Variants in CLCN5 observed in about 807,000 individuals in gnomAD.
The protein encoded by CLCN5 is H(+)/Cl(-) exchange transporter 5.
A neutral mutation model predicts 54.0 loss-of-function variants in CLCN5; 17 were observed. The observed-to-expected ratio is 0.31, with a 90% CI of 0.22 to 0.47. The LOEUF is 0.47. Among genes scored for constraint, CLCN5 ranks in the 20% least tolerant of loss-of-function variants. CLCN5 has a pLI of 1.00. For missense variants in CLCN5, 448 were observed against 646.7 expected (o/e 0.69, Z 3.33); for synonymous variants, 222 against 233.0 (o/e 0.95, Z 0.43).
intron 3 of CLCN5, among the ~76,000 whole-genome samples, chrX:49,936,267 T>A (rs782759800): frequency 2.7e-5 from 3 of 111,859 alleles, no homozygotes; most frequent in Non-Finnish European, 5.6e-5. Flanking sequence ...ACATATTCAA[T>A]GTGTCTCTTT....
At chrX:50,085,775 G>A in intron 9 of CLCN5, 2 of 448,092 alleles carry the variant, frequency 4.5e-6, no homozygotes, top group South Asian at 6.4e-5. Context: ...ACAAAGGAAA[G>A]GTCCTCTTAC....
intron 3 of CLCN5, among the ~76,000 whole-genome samples, chrX:49,991,686 A>T (rs1008604960): frequency 3.9e-4 from 44 of 112,022 alleles, no homozygotes; most frequent in African/African-American, 1.3e-3. Flanking sequence ...GTTTAGCCAA[A>T]GGATGTCAAG....
chrX:50,041,032 T>A (rs1250507465), intron 3 of CLCN5, among the ~76,000 whole-genome samples: 1 of 112,230 alleles, frequency 8.9e-6, no homozygotes, highest in African/African-American at 3.2e-5. Context: ...GTAGGAAAAA[T>A]TAAAGGAAAT....
intron 3 of CLCN5, among the ~76,000 whole-genome samples, chrX:50,002,700 TG>T (rs1929921309): frequency 9.1e-6 from 1 of 109,693 alleles, no homozygotes; most frequent in Admixed American, 9.8e-5. Flanking sequence ...TGTGTGTGTG[TG>T]TGTGTGTGTG....
chrX:50,049,596 T>A (rs1469830272), intron 4 of CLCN5, among the ~76,000 whole-genome samples: 5 of 112,185 alleles, frequency 4.5e-5, no homozygotes, highest in Non-Finnish European at 9.4e-5. Context: ...GTTACCTGGG[T>A]CAGCACTTTT....
intron 3 of CLCN5, among the ~76,000 whole-genome samples, chrX:49,975,508 T>A (rs113549602): frequency 2.7e-5 from 3 of 111,677 alleles, no homozygotes; most frequent in Non-Finnish European, 5.7e-5. Context: ...GCTGGCAGTT[T>A]TCTGACTCTC....
chrX:50,056,443 G>A (rs1386321859), intron 4 of CLCN5, among the ~76,000 whole-genome samples: 1 of 111,568 alleles, frequency 9.0e-6, no homozygotes, highest in Non-Finnish European at 1.9e-5. Context: ...ACAAGTAAGG[G>A]AGTGGGGCGC....
At chrX:49,958,859 A>G (rs1927460976) in intron 3 of CLCN5, among the ~76,000 whole-genome samples, 1 of 111,864 alleles carries the variant, frequency 8.9e-6, no homozygotes, top group Non-Finnish European at 1.9e-5. Flanking sequence ...AGAAATAGCA[A>G]CTGAGTCATT....
At chrX:50,070,396 C>G (rs1440295844) in intron 5 of CLCN5, among the ~76,000 whole-genome samples, 1 of 111,898 alleles carries the variant, frequency 8.9e-6, no homozygotes, top group Non-Finnish European at 1.9e-5. Flanking sequence ...ATAAATGCCT[C>G]TGAAGAGAGG....
At chrX:50,003,041 AATGT>A in intron 3 of CLCN5, 9 of 279,841 alleles carry the variant, frequency 3.2e-5, no homozygotes, top group South Asian at 3.2e-4. Context: ...TACATATGTG[AATGT>A]ACACAAGCAC....
chrX:50,062,832 C>G (rs1214578390), intron 4 of CLCN5, among the ~76,000 whole-genome samples: 1 of 104,126 alleles, frequency 9.6e-6, no homozygotes, highest in Non-Finnish European at 1.9e-5. Flanking sequence ...TGCAATCAAA[C>G]TAGAACTCAG....
rs183977551 is a variant in CLCN5 at position 50,005,590 on chromosome X, A to T, written c.17-36726A>T. Among the ~76,000 whole-genome samples, 90 of 111,936 alleles carry T rather than the reference A, an allele frequency of 8.0e-4. No individual in the cohort carries two copies. The South Asian group carries it at 0.015, about 19-fold the overall frequency. The stretch of plus-strand genomic sequence containing the variant: ...TAGCTTACTCTAAAGAGGATTTTTT[A>T]AAAAAACTATTATAATAAACTCATA... On this transcript the variant is annotated intron_variant, in intron 3 of 14. Transcript: ENST00000376091.
intron 3 of CLCN5, among the ~76,000 whole-genome samples, chrX:49,980,194 G>T (rs34677714): frequency 2.7e-5 from 3 of 110,343 alleles, no homozygotes; most frequent in Non-Finnish European, 5.7e-5. Flanking sequence ...CTACTTTTAG[G>T]AATACCTAAC....
chrX:50,048,799 A>G (rs186610943), intron 4 of CLCN5, among the ~76,000 whole-genome samples: 2 of 111,651 alleles, frequency 1.8e-5, no homozygotes, highest in African/African-American at 3.3e-5. Flanking sequence ...AAGCCATGAT[A>G]TGGATACATG....
chrX:50,019,397 T>A (rs1258050149), intron 3 of CLCN5, among the ~76,000 whole-genome samples: 1 of 108,901 alleles, frequency 9.2e-6, no homozygotes, highest in Non-Finnish European at 1.9e-5. Flanking sequence ...CAGATCACGG[T>A]ATTATTTTGT....
chrX:50,066,248 G>C, intron 4 of CLCN5, among the ~76,000 whole-genome samples: 1 of 98,365 alleles, frequency 1.0e-5, no homozygotes, highest in Non-Finnish European at 2.0e-5. Flanking sequence ...AATGGCTTTT[G>C]CTTTTTACAG....
intron 4 of CLCN5, among the ~76,000 whole-genome samples, chrX:50,057,698 T>G (rs915304869): frequency 5.9e-5 from 6 of 101,868 alleles, no homozygotes; most frequent in Admixed American, 3.1e-4. Flanking sequence ...TCCTGGATAG[T>G]TTCTTAGATG....
rs1396904704 is a variant in CLCN5 at position 49,985,314 on chromosome X, C to T, written c.17-57002C>T. 3.6e-5 allele frequency among the ~76,000 whole-genome samples: 4 copies of T among 111,613 alleles called. No individual in the cohort carries two copies. In the Admixed American group the frequency reaches 3.8e-4, roughly 11 times the overall value. ...TGGATTGTGTTCTTATATCCCATTT[C>T]CTATCTTACTGTCTTGTGCTGTGTA... On this transcript the variant is annotated intron_variant, in intron 3 of 14. Coordinates refer to ENST00000376091, the MANE Select transcript of CLCN5 (RefSeq NM_001127898.4).
intron 3 of CLCN5, among the ~76,000 whole-genome samples, chrX:49,987,060 C>T (rs1362028776): frequency 8.9e-6 from 1 of 112,368 alleles, no homozygotes; most frequent in African/African-American, 3.2e-5. Flanking sequence ...ACAGTTAACG[C>T]AGGTGTAGAA....
Sources: allele counts gnomAD v4.1 joint callset (sites outside exome capture counted in the v4.1 genomes callset), GRCh38; gene constraint gnomAD v4.1.1; transcripts MANE v1.5; gene names NCBI Gene and HGNC (gene_info 2026-07-23, HGNC 2026-07-21).